Variants in RIPOR2 observed in about 807,000 individuals in gnomAD.
The protein encoded by RIPOR2 is RHO family interacting cell polarization regulator 2, also known as rho family-interacting cell polarization regulator 2.
In RIPOR2, 39 loss-of-function variants were observed where a neutral mutation model predicts 114.5. That is an observed-to-expected ratio of 0.34 (90% CI 0.26 to 0.44). The LOEUF (loss-of-function observed/expected upper bound fraction) is 0.44, where lower values mean the gene tolerates loss of function less well. RIPOR2 is among the 20% of genes least tolerant of loss of function. RIPOR2 has a pLI of 1.00. For missense variants in RIPOR2, 1,007 were observed against 1,255.1 expected (o/e 0.80, Z 2.99); for synonymous variants, 445 against 484.4 (o/e 0.92, Z 1.07).
chr6:24,958,958 C>CTTTCTTT lies in RIPOR2; in HGVS notation c.76+82892_76+82893insAAAGAAA, dbSNP rs139147901. On this transcript the variant is annotated intron_variant, in intron 1 of 13. Transcript: ENST00000510784. Reference sequence around the variant, plus strand: ...TGCACCACTCCAAGCTCTACATTTTCTTTTTTTTTTGGAGACAGGGTCTCA... The same window carrying CTTTCTTT: ...TGCACCACTCCAAGCTCTACATTTTCTTTCTTTTTTTTTTTTTGGAGACAGGGTCTCA... Among the ~76,000 whole-genome samples, 18 of 123,160 alleles carry CTTTCTTT rather than the reference C, an allele frequency of 1.5e-4. 4 individuals carry two copies. Among genetic ancestry groups the CTTTCTTT allele is most frequent in the Non-Finnish European group, 2.4e-4 (15 of 62,734 alleles). 80.8% of individuals were successfully genotyped at this position (123,160 alleles called of 152,430 possible).
intron 1 of RIPOR2, chr6:24,931,892 T>A (rs1771419104): frequency 6.6e-6 from 1 of 152,264 alleles, no homozygotes; most frequent in Non-Finnish European, 1.5e-5. Context: ...AAATACTCAC[T>A]GACCACCACC....
At chr6:24,852,980 G>T (rs1301669278) in intron 8 of RIPOR2, among the ~76,000 whole-genome samples, 1 of 152,184 alleles carries the variant, frequency 6.6e-6, no homozygotes, top group Non-Finnish European at 1.5e-5. Flanking sequence ...TTCCCATGAA[G>T]ATAATCTGGT....
chr6:25,031,513 A>T (rs1421728862), intron 1 of RIPOR2, among the ~76,000 whole-genome samples: 2 of 151,144 alleles, frequency 1.3e-5, no homozygotes, highest in Non-Finnish European at 2.9e-5. Context: ...CACCTCAATA[A>T]ACATGACTAA....
At chr6:24,983,410 G>A (rs1774386064) in intron 1 of RIPOR2, among the ~76,000 whole-genome samples, 1 of 152,052 alleles carries the variant, frequency 6.6e-6, no homozygotes, top group Non-Finnish European at 1.5e-5. Flanking sequence ...TTCTAATTAT[G>A]GCAAAGACAG....
chr6:24,953,077 T>C (rs901328428), intron 1 of RIPOR2, among the ~76,000 whole-genome samples: 1 of 152,226 alleles, frequency 6.6e-6, no homozygotes, highest in African/African-American at 2.4e-5. Context: ...CTCATGCCTG[T>C]AATCCCAGCA....
chr6:25,002,359 A>C (rs1470428901), intron 1 of RIPOR2, among the ~76,000 whole-genome samples: 1 of 152,244 alleles, frequency 6.6e-6, no homozygotes, highest in African/African-American at 2.4e-5. Context: ...CATAAAAATT[A>C]AGATAACAAC....
intron 17 of RIPOR2, among the ~76,000 whole-genome samples, chr6:24,830,069 G>A (rs965293651): frequency 6.6e-6 from 1 of 152,116 alleles, no homozygotes; most frequent in South Asian, 2.1e-4. Context: ...AGGTTCAAGC[G>A]ATTCTCCTCC....
intron 1 of RIPOR2, among the ~76,000 whole-genome samples, chr6:24,918,558 C>G (rs1176300034): frequency 6.6e-6 from 1 of 152,190 alleles, no homozygotes; most frequent in Non-Finnish European, 1.5e-5. Context: ...ACTTCAGGAG[C>G]TACTTTTAGG....
rs1581630043 is a variant in RIPOR2, at chr6:24,860,983, G to C, written c.705C>G (p.Ile235Met). Residue 235 changes from isoleucine (I) to methionine (M), a missense_variant, in exon 8 of 22, where the codon ATC (isoleucine) becomes ATG (methionine). By Grantham distance (10) the Ile-to-Met change is conservative. Coordinates refer to ENST00000643898, the MANE Select transcript of RIPOR2 (RefSeq NM_001286445.3). ...ELENLLGEFSIKMKGLAGFAR... is the reference protein window; with the variant it reads ...ELENLLGEFSMKMKGLAGFAR... ...CAAGGAAAATAATACCTTTCATCTTGATGGAGAATTCTCCCAGCAGATTCT... is the reference window on the plus strand; with the variant it reads ...CAAGGAAAATAATACCTTTCATCTTCATGGAGAATTCTCCCAGCAGATTCT... 1.2e-6 allele frequency: 2 copies of C among 1,602,112 alleles called. No homozygotes were observed. Among genetic ancestry groups the C allele is most frequent in the East Asian group, 4.5e-5 (2 of 44,766 alleles).
At chr6:24,945,587 T>C (rs1282955097) in intron 1 of RIPOR2, among the ~76,000 whole-genome samples, 1 of 152,182 alleles carries the variant, frequency 6.6e-6, no homozygotes, top group Non-Finnish European at 1.5e-5. Context: ...GTGTAATTTG[T>C]ATGACAATAA....
At chr6:24,888,159 G>A (rs563376684) in intron 1 of RIPOR2, among the ~76,000 whole-genome samples, 21 of 152,162 alleles carry the variant, frequency 1.4e-4, no homozygotes, top group Admixed American at 2.6e-4. Flanking sequence ...ACATCTCTTG[G>A]GACTATGATC....
intron 1 of RIPOR2, among the ~76,000 whole-genome samples, chr6:24,981,118 C>T (rs1400943628): frequency 6.6e-6 from 1 of 152,134 alleles, no homozygotes. Flanking sequence ...TGGATGAAAA[C>T]CAACAGGGTT....
At chr6:24,991,128 GC>G (rs1276029059) in intron 1 of RIPOR2, among the ~76,000 whole-genome samples, 23 of 152,096 alleles carry the variant, frequency 1.5e-4, no homozygotes, top group Non-Finnish European at 3.2e-4. Context: ...TGCGTCATTA[GC>G]CCTGGGAACC....
chr6:24,972,912 T>C (rs1773851281), intron 1 of RIPOR2, among the ~76,000 whole-genome samples: 1 of 152,212 alleles, frequency 6.6e-6, no homozygotes, highest in Admixed American at 6.5e-5. Context: ...AGGGATAGAA[T>C]TTCTTTATAG....
At chr6:24,869,826 T>A (rs1764981936) in intron 5 of RIPOR2, among the ~76,000 whole-genome samples, 1 of 152,218 alleles carries the variant, frequency 6.6e-6, no homozygotes, top group African/African-American at 2.4e-5. Flanking sequence ...CATTCACATT[T>A]TAGTGTCTTT....
chr6:24,917,983 C>T (rs542453114), intron 1 of RIPOR2, among the ~76,000 whole-genome samples: 7 of 152,112 alleles, frequency 4.6e-5, no homozygotes, highest in Admixed American at 3.9e-4. Context: ...CTGATGCAGT[C>T]CCTGGTTTGC....
intron 1 of RIPOR2, chr6:24,948,182 T>C (rs1772537657): frequency 6.6e-6 from 1 of 152,250 alleles, no homozygotes; most frequent in Non-Finnish European, 1.5e-5. Flanking sequence ...ATTGAAGCTA[T>C]GAATATACAG....
intron 1 of RIPOR2, among the ~76,000 whole-genome samples, chr6:24,995,719 A>T (rs984084761): frequency 6.6e-6 from 1 of 151,982 alleles, no homozygotes; most frequent in Non-Finnish European, 1.5e-5. Flanking sequence ...TCCCCAAGGG[A>T]TATTTTATAT....
At chr6:25,001,941 C>T (rs1775341165) in intron 1 of RIPOR2, among the ~76,000 whole-genome samples, 1 of 151,880 alleles carries the variant, frequency 6.6e-6, no homozygotes, top group South Asian at 2.1e-4. Context: ...ATCTCCTGAC[C>T]TTGTGATCCA....
Sources: gnomAD v4.1 joint callset for allele counts (sites outside exome capture counted in the v4.1 genomes callset) on GRCh38, gnomAD v4.1.1 for gene constraint, MANE v1.5 for transcripts, NCBI Gene and HGNC (gene_info 2026-07-23, HGNC 2026-07-21) for gene names.